The following RASGRP1 variants were observed in gnomAD, a reference collection of about 807,000 sequenced individuals.
The protein encoded by RASGRP1 is RAS guanyl releasing protein 1, also known as RAS guanyl-releasing protein 1.
RASGRP1 carries 37 observed loss-of-function variants against 95.1 expected under a neutral mutation model. That is an observed-to-expected ratio of 0.39 (90% confidence interval 0.30 to 0.51). The LOEUF is 0.51. Among genes scored for constraint, RASGRP1 ranks in the 20% least tolerant of loss-of-function variants. The pLI is 0.80. For missense variants in RASGRP1, 711 were observed against 965.4 expected (o/e 0.74, Z 3.49); for synonymous variants, 325 against 353.4 (o/e 0.92, Z 0.90).
At chr15:38,498,205 C>T (rs1595820751) in intron 15 of RASGRP1, among the ~76,000 whole-genome samples, 3 of 152,232 alleles carry the variant, frequency 2.0e-5, no homozygotes, top group East Asian at 3.9e-4. Flanking sequence ...TCACCTTTCA[C>T]GCATAGGTGG....
chr15:38,517,141 T>C (rs1028288447), intron 5 of RASGRP1, among the ~76,000 whole-genome samples: 49 of 152,166 alleles, frequency 3.2e-4, no homozygotes, highest in Non-Finnish European at 2.5e-4. Flanking sequence ...TTCTGTAGCC[T>C]CTTTGGCCAG....
intron 5 of RASGRP1, 94 bp downstream of exon 5, chr15:38,518,198 G>T: frequency 8.2e-7 from 1 of 1,224,750 alleles, no homozygotes; most frequent in Non-Finnish European, 1.2e-6. Flanking sequence ...GAGAGCAGCA[G>T]TCACCGCTGG....
intron 5 of RASGRP1, among the ~76,000 whole-genome samples, chr15:38,516,654 G>T (rs780452831): frequency 7.2e-5 from 11 of 151,834 alleles, no homozygotes; most frequent in Non-Finnish European, 1.5e-4. Flanking sequence ...CCTTGCCTTT[G>T]GTCCTGGCTC....
intron 15 of RASGRP1, among the ~76,000 whole-genome samples, chr15:38,495,380 A>G (rs1156784390): frequency 1.3e-5 from 2 of 152,242 alleles, no homozygotes; most frequent in African/African-American, 4.8e-5. Context: ...TAGTAATGTT[A>G]GCCATAAGGA....
Position 38,488,792 on chromosome 15 carries a change from C to T in RASGRP1, c.*1762G>A, listed in dbSNP as rs1890456007. On this transcript the variant is annotated 3_prime_UTR_variant, in exon 17 of 17. Coordinates refer to ENST00000310803, the MANE Select transcript of RASGRP1 (RefSeq NM_005739.4). ...AAGAATATGAATTTTTAGAGTTTGT[C>T]CTAACTCATGCTTGTCCTATTAAAA... 2 of 151,914 alleles carry T rather than the reference C, an allele frequency of 1.3e-5. No individual in the cohort carries two copies. The highest frequency in any genetic ancestry group is 2.9e-5 in the Non-Finnish European group (2 of 67,856). The allele number at this position is 151,914 out of a possible 1,614,324, so 9.4% of individuals were successfully genotyped here.
Position 38,564,608 on chromosome 15 carries a change from C to G in RASGRP1, c.21G>C (p.Ala7=). 1 of 1,378,260 alleles carries G rather than the reference C, an allele frequency of 7.3e-7. No individual in the cohort carries two copies. The highest frequency in any genetic ancestry group is 9.5e-7 in the Non-Finnish European group (1 of 1,054,240). The allele number at this position is 1,378,260 out of a possible 1,614,324, so 85.4% of individuals were successfully genotyped here. A position where few individuals can be genotyped will look rare whatever the true frequency, so the allele number is the denominator to read the frequency against. Residue 7 remains alanine (A), a synonymous_variant, in exon 1 of 17, where the codon GCG becomes GCC. Transcript: ENST00000310803. ...CCTCTACTCACCGCGGAGCCTCTCTCGCCTTGCCCAGGGTGCCCATGGCCG... is the reference window on the plus strand; with the variant it reads ...CCTCTACTCACCGCGGAGCCTCTCTGGCCTTGCCCAGGGTGCCCATGGCCG... The part of the protein sequence containing the change: MGTLGK[A]REAPRKPSHG...
At position 38,496,239 on chromosome 15, in the gene RASGRP1, A is replaced by G. The variant is rs181161269; in HGVS notation, c.1874-1472T>C. Among the ~76,000 whole-genome samples the G allele has an allele frequency of 4.3e-4, 65 of 152,340 alleles. 1 individual carries two copies. The highest frequency in any genetic ancestry group is 1.4e-3 in the African/African-American group (58 of 41,570). On this transcript the variant is annotated intron_variant, in intron 15 of 16. Coordinates refer to ENST00000310803, the MANE Select transcript of RASGRP1 (RefSeq NM_005739.4). ...TCCAATAGTCATTTTTGCCATTATAAATAGACCTTGACTTTTAGCAACTTT... is the reference window on the plus strand; with the variant it reads ...TCCAATAGTCATTTTTGCCATTATAGATAGACCTTGACTTTTAGCAACTTT...
At chr15:38,499,271 T>G in intron 14 of RASGRP1, 1 of 426,792 alleles carries the variant, frequency 2.3e-6, no homozygotes, top group Non-Finnish European at 4.4e-6. Context: ...TGTTAGGTCT[T>G]ATTTTCTTTC....
intron 2 of RASGRP1, among the ~76,000 whole-genome samples, chr15:38,529,212 G>C (rs1892345982): frequency 6.6e-6 from 1 of 152,090 alleles, no homozygotes; most frequent in Non-Finnish European, 1.5e-5. Context: ...CAGAAGTCAG[G>C]ACAAACTCCT....
At chr15:38,499,625 A>C (rs4334257) in intron 14 of RASGRP1, among the ~76,000 whole-genome samples, 111,508 of 152,134 alleles carry the variant, frequency 0.73, 40,981 homozygotes, top group South Asian at 0.82. Flanking sequence ...ACTCTGAACT[A>C]TGCTGAGAAG....
In RASGRP1 at chr15:38,564,658, C is replaced by A; in HGVS notation, c.-30G>T. On this transcript the variant is annotated 5_prime_UTR_variant, in exon 1 of 17. Coordinates refer to ENST00000310803, the MANE Select transcript of RASGRP1 (RefSeq NM_005739.4). ...GCGGCCCGCGCTCCCGGTGCCGGCT[C>A]ACCTAGCGCGGCCGGGCGCGGCGCA... 7.9e-7 allele frequency: 1 copy of A among 1,272,432 alleles called. No homozygotes were observed. Among genetic ancestry groups the A allele is most frequent in the Non-Finnish European group, 9.9e-7 (1 of 1,008,194 alleles). 78.8% of individuals were successfully genotyped at this position (1,272,432 alleles called of 1,614,324 possible).
chr15:38,528,958 C>T (rs1375395222), intron 2 of RASGRP1, among the ~76,000 whole-genome samples: 2 of 152,154 alleles, frequency 1.3e-5, no homozygotes, highest in Non-Finnish European at 2.9e-5. Context: ...TGCCTCATCT[C>T]CAGAAATGGC....
chr15:38,557,521 C>T (rs979611298), intron 2 of RASGRP1, among the ~76,000 whole-genome samples: 1 of 152,094 alleles, frequency 6.6e-6, no homozygotes, highest in African/African-American at 2.4e-5. Flanking sequence ...ATGAGGTGCA[C>T]TTACTCAAAC....
chr15:38,512,479 A>G (rs147733916), intron 7 of RASGRP1, among the ~76,000 whole-genome samples: 6 of 152,338 alleles, frequency 3.9e-5, no homozygotes, highest in African/African-American at 1.4e-4. Context: ...TGTGGGCCAG[A>G]CTCGGGAAAA....
chr15:38,511,802 G>C (rs1891531243), intron 7 of RASGRP1, 82 bp from the exon 8 acceptor site: 2 of 996,396 alleles, frequency 2.0e-6, no homozygotes, highest in Non-Finnish European at 3.1e-6. Flanking sequence ...TCTTGTCTCT[G>C]TGCCGTGAGT....
At chr15:38,526,663 C>G (rs2141141233) in intron 2 of RASGRP1, among the ~76,000 whole-genome samples, 1 of 152,298 alleles carries the variant, frequency 6.6e-6, no homozygotes, top group South Asian at 2.1e-4. Flanking sequence ...AAATCTGCAT[C>G]AGCACACTTG....
chr15:38,512,131 T>G (rs1891549714), intron 7 of RASGRP1, among the ~76,000 whole-genome samples: 1 of 152,232 alleles, frequency 6.6e-6, no homozygotes, highest in South Asian at 2.1e-4. Context: ...AGCTGTTGAC[T>G]TTGAGAAACA....
chr15:38,533,346 A>C (rs1293854716), intron 2 of RASGRP1, among the ~76,000 whole-genome samples: 1 of 152,196 alleles, frequency 6.6e-6, no homozygotes, highest in African/African-American at 2.4e-5. Flanking sequence ...GGCTGGGTCT[A>C]GGTTGAACCT....
At chr15:38,547,644 C>T (rs775941538) in intron 2 of RASGRP1, among the ~76,000 whole-genome samples, 1 of 152,172 alleles carries the variant, frequency 6.6e-6, no homozygotes, top group Non-Finnish European at 1.5e-5. Context: ...TAAATTTCCA[C>T]CCAAAGTAAA....
Sources: allele counts gnomAD v4.1 joint callset (sites outside exome capture counted in the v4.1 genomes callset), GRCh38; gene constraint gnomAD v4.1.1; transcripts MANE v1.5; gene names NCBI Gene and HGNC (gene_info 2026-07-23, HGNC 2026-07-21).